The following ZBTB20 variants were observed in gnomAD, a reference collection of about 807,000 sequenced individuals.
ZBTB20 encodes the protein zinc finger and BTB domain-containing protein 20.
A neutral mutation model predicts 56.9 loss-of-function variants in ZBTB20; 9 were observed. The observed-to-expected ratio is 0.16, with a 90% CI of 0.10 to 0.28. The LOEUF (loss-of-function observed/expected upper bound fraction) is 0.28, where lower values mean the gene tolerates loss of function less well. Among genes scored for constraint, ZBTB20 ranks in the 10% least tolerant of loss-of-function variants. ZBTB20 has a pLI of 1.00. For missense variants in ZBTB20, 655 were observed against 1,003.0 expected (o/e 0.65, Z 4.69); for synonymous variants, 417 against 420.7 (o/e 0.99, Z 0.11).
chr3:114,666,706 A>G (rs950278968), intron 6 of ZBTB20, among the ~76,000 whole-genome samples: 2 of 152,032 alleles, frequency 1.3e-5, no homozygotes, highest in African/African-American at 4.8e-5. Context: ...TTTCACTTGC[A>G]AAGAACCAGG....
chr3:115,051,845 T>TG (rs1248615392), intron 2 of ZBTB20, among the ~76,000 whole-genome samples: 2 of 152,236 alleles, frequency 1.3e-5, no homozygotes, highest in Admixed American at 6.5e-5. Flanking sequence ...GAAGCATGCC[T>TG]GGGGGGCCTC....
At chr3:114,950,961 A>G (rs1419424393) in intron 3 of ZBTB20, among the ~76,000 whole-genome samples, 2 of 152,140 alleles carry the variant, frequency 1.3e-5, no homozygotes, top group Non-Finnish European at 1.5e-5. Context: ...TAATCACATG[A>G]TTCTATTTCT....
At chr3:114,711,204 G>A (rs1176667141) in intron 5 of ZBTB20, among the ~76,000 whole-genome samples, 1 of 148,470 alleles carries the variant, frequency 6.7e-6, no homozygotes, top group African/African-American at 2.5e-5. Context: ...ATTTTTTTTT[G>A]TTTACATAAT....
intron 4 of ZBTB20, among the ~76,000 whole-genome samples, chr3:114,890,024 G>A (rs369462129): frequency 4.5e-4 from 69 of 152,248 alleles, no homozygotes; most frequent in African/African-American, 1.5e-3. Flanking sequence ...AAAAGCACAC[G>A]AAGAGCTGCC....
At chr3:114,372,852 AGAAAAAT>A (rs2083191050) in intron 10 of ZBTB20, among the ~76,000 whole-genome samples, 1 of 147,630 alleles carries the variant, frequency 6.8e-6, no homozygotes, top group South Asian at 2.4e-4. Flanking sequence ...TAAACAAAAA[AGAAAAAT>A]AAAAAGAAAA....
At position 114,818,866 on chromosome 3, in the gene ZBTB20, TAGAC is replaced by T. The variant is rs370821764; in HGVS notation, c.-416-17696_-416-17693del. ...TATTAAACAGGAATAAGAAAGGAAA[TAGAC>T]AGTCATCTTTGTTAGGAGATAATTT... On this transcript the variant is annotated intron_variant, in intron 4 of 11. Transcript: ENST00000675478. Among the ~76,000 whole-genome samples, 12 of 152,064 alleles carry T rather than the reference TAGAC, an allele frequency of 7.9e-5. No individual in the cohort carries two copies. In the East Asian group the frequency reaches 1.7e-3, roughly 22 times the overall value.
At chr3:114,748,045 T>G (rs1578673787) in intron 5 of ZBTB20, among the ~76,000 whole-genome samples, 1 of 152,196 alleles carries the variant, frequency 6.6e-6, no homozygotes, top group East Asian at 1.9e-4. Context: ...TACTCTGCTT[T>G]AAATTTAAAG....
intron 5 of ZBTB20, among the ~76,000 whole-genome samples, chr3:114,739,390 G>C (rs1006596456): frequency 2.6e-5 from 4 of 152,108 alleles, no homozygotes; most frequent in South Asian, 2.1e-4. Context: ...CATGTTACAT[G>C]CTTCCTCACA....
rs1647300490 is a variant in ZBTB20, at chr3:114,325,099, G to GA, written c.*13905dup. On this transcript the variant is annotated 3_prime_UTR_variant, in exon 12 of 12. Transcript: ENST00000675478. ...AAGACACCCTGCTTTCATCTACTCT[G>GA]AAAACCATAATTCTTTCAACAATAG... 6.6e-6 allele frequency: 1 copy of GA among 152,046 alleles called. No homozygotes were observed. The highest frequency in any genetic ancestry group is 2.4e-5 in the African/African-American group (1 of 41,406). The allele number at this position is 152,046 out of a possible 1,614,324, so 9.4% of individuals were successfully genotyped here.
At position 114,319,847 on chromosome 3, in the gene ZBTB20, TACAC is replaced by T. The variant is rs1329482751; in HGVS notation, c.*19154_*19157del. On this transcript the variant is annotated 3_prime_UTR_variant, in exon 12 of 12. Transcript: ENST00000675478. Reference sequence around the variant, plus strand: ...ATATATAAGCATATACATATATATATACACACACACACACAAATTTGTTACATAG... The same window carrying T: ...ATATATAAGCATATACATATATATATACACACACACAAATTTGTTACATAG... 49 of 151,462 alleles carry T rather than the reference TACAC, an allele frequency of 3.2e-4. No homozygotes were observed. The highest frequency in any genetic ancestry group is 1.2e-3 in the African/African-American group (49 of 41,302). 9.4% of individuals were successfully genotyped at this position (151,462 alleles called of 1,614,324 possible). A position where few individuals can be genotyped will look rare whatever the true frequency, so the allele number is the denominator to read the frequency against.
At chr3:114,799,010 G>A (rs2071527350) in intron 5 of ZBTB20, among the ~76,000 whole-genome samples, 1 of 151,804 alleles carries the variant, frequency 6.6e-6, no homozygotes, top group Non-Finnish European at 1.5e-5. Context: ...AACTTAGAAG[G>A]TGTCAAATGG....
chr3:114,393,510 G>C (rs116078966), intron 7 of ZBTB20, among the ~76,000 whole-genome samples: 1,995 of 152,164 alleles, frequency 0.013, 52 homozygotes, highest in African/African-American at 0.044. Context: ...GTGTCACCTA[G>C]CTCCATCTTC....
chr3:114,647,390 CCTCT>C (rs1316802067), intron 6 of ZBTB20, among the ~76,000 whole-genome samples: 2 of 152,134 alleles, frequency 1.3e-5, no homozygotes, highest in South Asian at 4.1e-4. Context: ...TCCTTTCTTT[CCTCT>C]CTCTATCTCT....
intron 5 of ZBTB20, among the ~76,000 whole-genome samples, chr3:114,713,094 A>G (rs897040549): frequency 1.1e-4 from 17 of 152,206 alleles, no homozygotes; most frequent in Non-Finnish European, 2.1e-4. Flanking sequence ...AGTATACCAT[A>G]TGAAGTGCAA....
At chr3:114,647,872 T>C (rs1042971738) in intron 6 of ZBTB20, among the ~76,000 whole-genome samples, 1 of 152,200 alleles carries the variant, frequency 6.6e-6, no homozygotes, top group Non-Finnish European at 1.5e-5. Flanking sequence ...GACATCTCTT[T>C]AATCTTCCAA....
intron 3 of ZBTB20, chr3:114,930,691 TA>T: frequency 1.0e-5 from 2 of 199,048 alleles, no homozygotes; most frequent in South Asian, 8.2e-5. Context: ...TTGGGAACAG[TA>T]AAATGGTTCA....
intron 5 of ZBTB20, among the ~76,000 whole-genome samples, chr3:114,788,746 C>T (rs1468558557): frequency 6.6e-6 from 1 of 152,114 alleles, no homozygotes; most frequent in Non-Finnish European, 1.5e-5. Context: ...TCTCACACTA[C>T]TAATAAAGAT....
At chr3:114,404,586 G>A (rs1178608894) in intron 7 of ZBTB20, among the ~76,000 whole-genome samples, 7 of 152,064 alleles carry the variant, frequency 4.6e-5, no homozygotes, top group Admixed American at 4.6e-4. Context: ...CATTTTCAAA[G>A]AGAATGGTAC....
chr3:115,107,510 G>T (rs867146334), intron 1 of ZBTB20, among the ~76,000 whole-genome samples: 2 of 152,176 alleles, frequency 1.3e-5, no homozygotes, highest in Non-Finnish European at 2.9e-5. Context: ...AACAGATGCT[G>T]GCGAGGCTGC....
Sources: gnomAD v4.1 joint callset for allele counts (sites outside exome capture counted in the v4.1 genomes callset) on GRCh38, gnomAD v4.1.1 for gene constraint, MANE v1.5 for transcripts, NCBI Gene and HGNC (gene_info 2026-07-23, HGNC 2026-07-21) for gene names.